PDE1C: variants seen among roughly 807,000 people sequenced by gnomAD.
The protein encoded by PDE1C is dual specificity calcium/calmodulin-dependent 3',5'-cyclic nucleotide phosphodiesterase 1C.
In PDE1C, 62 loss-of-function variants were observed where a neutral mutation model predicts 93.1. The observed-to-expected ratio is 0.67, with a 90% CI of 0.54 to 0.82. The LOEUF is 0.82. Ranked by LOEUF, PDE1C falls within the 40% of genes least tolerant of loss-of-function variation. The pLI, the probability that PDE1C is intolerant of heterozygous loss-of-function variation, is 0.00. For synonymous variants in PDE1C, 325 were observed against 310.1 expected (o/e 1.05, Z -0.50); for missense variants, 742 against 884.6 (o/e 0.84, Z 2.04).
the PDE1C span, among the ~76,000 whole-genome samples, chr7:31,745,817 T>G: frequency 2.0e-5 from 3 of 152,210 alleles, no homozygotes; most frequent in African/African-American, 7.2e-5. Flanking sequence ...CCCATGTATT[T>G]ATTTATTGAA....
the PDE1C span, among the ~76,000 whole-genome samples, chr7:31,638,186 G>A: frequency 6.6e-6 from 1 of 152,252 alleles, no homozygotes; most frequent in East Asian, 1.9e-4. Context: ...GATATAAGGA[G>A]GAAAACGGGT....
chr7:32,248,680 A>G (rs1809139887), intron 1 of PDE1C, among the ~76,000 whole-genome samples: 1 of 152,196 alleles, frequency 6.6e-6, no homozygotes, highest in South Asian at 2.1e-4. Flanking sequence ...AACCATTATT[A>G]TCTCTCATCA....
chr7:32,076,633 A>C, intron 3 of PDE1C, among the ~76,000 whole-genome samples: 1 of 145,804 alleles, frequency 6.9e-6, no homozygotes, highest in African/African-American at 2.6e-5. Flanking sequence ...ACAGAGTGAG[A>C]CTCCATCTCA....
the PDE1C span, among the ~76,000 whole-genome samples, chr7:31,664,642 T>C: frequency 3.9e-5 from 6 of 152,120 alleles, no homozygotes; most frequent in African/African-American, 1.2e-4. Context: ...TTGAAGGAAA[T>C]TTGCTTTATA....
intron 1 of PDE1C, among the ~76,000 whole-genome samples, chr7:32,396,970 C>T (rs1314900938): frequency 6.6e-6 from 1 of 151,978 alleles, no homozygotes; most frequent in Non-Finnish European, 1.5e-5. Context: ...ACACCATAAA[C>T]AAGGAAAAAC....
the PDE1C span, chr7:31,707,971 A>G: frequency 5.9e-5 from 9 of 152,234 alleles, no homozygotes; most frequent in Non-Finnish European, 8.8e-5. Context: ...GTTTTTAAAA[A>G]TATTTCTTAA....
the PDE1C span, chr7:31,642,931 GA>G: frequency 6.2e-7 from 1 of 1,614,024 alleles, no homozygotes; most frequent in African/African-American, 1.3e-5. Flanking sequence ...GTATATCCCA[GA>G]CATGGCCTGT....
intron 1 of PDE1C, among the ~76,000 whole-genome samples, chr7:32,267,119 G>A (rs1203701607): frequency 6.6e-6 from 1 of 152,234 alleles, no homozygotes; most frequent in East Asian, 1.9e-4. Flanking sequence ...TCGACCCAAA[G>A]CCCTGAGCAG....
At chr7:31,643,733 G>A in the PDE1C span, 6 of 1,613,976 alleles carry the variant, frequency 3.7e-6, no homozygotes, top group Non-Finnish European at 4.2e-6. Flanking sequence ...CTAGACTCAG[G>A]CTTCTCTAGT....
intron 1 of PDE1C, among the ~76,000 whole-genome samples, chr7:32,065,682 AT>A (rs1403522196): frequency 6.6e-6 from 1 of 152,214 alleles, no homozygotes; most frequent in Non-Finnish European, 1.5e-5. Context: ...TAATTATATC[AT>A]TTAAAAGTTC....
intron 3 of PDE1C, among the ~76,000 whole-genome samples, chr7:32,096,834 G>GATAGATAGATAA (rs1797775298): frequency 6.6e-6 from 1 of 150,626 alleles, no homozygotes; most frequent in Admixed American, 6.6e-5. Context: ...TAGATAGATA[G>GATAGATAGATAA]ATAGATAGAT....
At chr7:31,831,502 A>G (rs73686976) in intron 11 of PDE1C, among the ~76,000 whole-genome samples, 104,510 of 150,884 alleles carry the variant, frequency 0.69, 36,283 homozygotes, top group East Asian at 0.76. Flanking sequence ...ATGCACGCAC[A>G]CACACACACA....
intron 3 of PDE1C, among the ~76,000 whole-genome samples, chr7:32,106,757 A>AC (rs1798332980): frequency 7.9e-5 from 12 of 152,184 alleles, no homozygotes; most frequent in Admixed American, 5.2e-4. Flanking sequence ...CTTTTATCTG[A>AC]TACATCATAT....
chr7:32,064,968 G>T (rs913417685), intron 1 of PDE1C, among the ~76,000 whole-genome samples: 1 of 148,282 alleles, frequency 6.7e-6, no homozygotes, highest in Non-Finnish European at 1.5e-5. Flanking sequence ...GGAAAGTAAG[G>T]CTCTTGGGAA....
intron 15 of PDE1C, among the ~76,000 whole-genome samples, chr7:31,810,760 C>T (rs1737814585): frequency 6.6e-6 from 1 of 152,128 alleles, no homozygotes; most frequent in Non-Finnish European, 1.5e-5. Flanking sequence ...AAGCCCTCAA[C>T]TATAGTATTT....
chr7:32,402,684 T>C (rs1784973006), intron 1 of PDE1C, among the ~76,000 whole-genome samples: 1 of 152,226 alleles, frequency 6.6e-6, no homozygotes, highest in Non-Finnish European at 1.5e-5. Flanking sequence ...GCAGTCAAGT[T>C]AACACATAAA....
intron 1 of PDE1C, among the ~76,000 whole-genome samples, chr7:32,378,021 T>G (rs1784463178): frequency 6.6e-6 from 1 of 152,190 alleles, no homozygotes; most frequent in South Asian, 2.1e-4. Context: ...GGAGCAGCAT[T>G]TAACCATTTA....
intron 2 of PDE1C, among the ~76,000 whole-genome samples, chr7:31,893,831 T>C (rs1427170133): frequency 6.6e-6 from 1 of 152,174 alleles, no homozygotes; most frequent in Non-Finnish European, 1.5e-5. Flanking sequence ...ATCTGTTCAT[T>C]TTAAAAGTAT....
intron 2 of PDE1C, among the ~76,000 whole-genome samples, chr7:31,974,019 G>T (rs1281312920): frequency 3.3e-5 from 5 of 152,242 alleles, no homozygotes; most frequent in African/African-American, 1.2e-4. Flanking sequence ...TGTAGGCTTG[G>T]ATATTAGTAA....
Sources: allele counts gnomAD v4.1 joint callset (sites outside exome capture counted in the v4.1 genomes callset), GRCh38; gene constraint gnomAD v4.1.1; transcripts MANE v1.5; gene names NCBI Gene and HGNC (gene_info 2026-07-23, HGNC 2026-07-21).